The following UHRF2 variants were observed in gnomAD, a reference collection of about 807,000 sequenced individuals.
The protein encoded by UHRF2 is ubiquitin like with PHD and ring finger domains 2.
Under a neutral mutation model 96.8 loss-of-function variants are expected in UHRF2, and 23 were observed. The ratio of observed to expected loss-of-function variants is 0.24; its 90% CI spans 0.17 to 0.34. The LOEUF (loss-of-function observed/expected upper bound fraction) is 0.34, where lower values mean the gene tolerates loss of function less well. Among genes scored for constraint, UHRF2 ranks in the 10% least tolerant of loss-of-function variants. The pLI, the probability that UHRF2 is intolerant of heterozygous loss-of-function variation, is 1.00. For missense variants in UHRF2, 685 were observed against 981.5 expected (o/e 0.70, Z 4.04); for synonymous variants, 385 against 332.6 (o/e 1.16, Z -1.72).
intron 4 of UHRF2, among the ~76,000 whole-genome samples, chr9:6,471,530 G>T (rs115749489): frequency 2.7e-4 from 41 of 152,150 alleles, no homozygotes; most frequent in Non-Finnish European, 5.6e-4. Context: ...TTTTGGGTGC[G>T]CCCTCTTGGA....
chr9:6,446,084 C>G (rs1821484665), intron 3 of UHRF2, among the ~76,000 whole-genome samples: 1 of 150,312 alleles, frequency 6.7e-6, no homozygotes, highest in Admixed American at 6.7e-5. Context: ...CCTTGACTTC[C>G]CTGGCTCAGG....
chr9:6,457,171 C>CT (rs948115918), intron 3 of UHRF2, among the ~76,000 whole-genome samples: 9 of 151,882 alleles, frequency 5.9e-5, no homozygotes, highest in South Asian at 2.1e-4. Flanking sequence ...TTTGTGTCCT[C>CT]TTTTTTTTCG....
At position 6,420,937 on chromosome 9, in the gene UHRF2, A is replaced by G; in HGVS notation, c.179A>G (p.Asp60Gly). Reference sequence around the variant, plus strand: ...TTGGAAAATGGATATACCTTATTTGATTATGATGTTGGACTGAATGATATA... The same window carrying G: ...TTGGAAAATGGATATACCTTATTTGGTTATGATGTTGGACTGAATGATATA... ...KQLENGYTLFDYDVGLNDIIQ... is the reference protein window; with the variant it reads ...KQLENGYTLFGYDVGLNDIIQ... The change falls in exon 2 of 16, where the codon GAT becomes GGT. Residue 60 changes from aspartate to glycine, a missense_variant. Around this residue, in one of 6 missense-constraint regions of UHRF2, gnomAD observed 391 missense variants for 437.0 expected, o/e 0.89. Transcript: ENST00000276893. The G allele has an allele frequency of 6.2e-7, 1 of 1,614,042 alleles. No homozygotes were observed. The highest frequency in any genetic ancestry group is 8.5e-7 in the Non-Finnish European group (1 of 1,179,932).
intron 1 of UHRF2, among the ~76,000 whole-genome samples, chr9:6,414,370 A>G (rs1239987927): frequency 6.6e-6 from 1 of 152,114 alleles, no homozygotes; most frequent in Non-Finnish European, 1.5e-5. Flanking sequence ...GGAGTGTAAG[A>G]CTGTTTGCTT....
intron 4 of UHRF2, among the ~76,000 whole-genome samples, 191 bp downstream of exon 4, chr9:6,460,982 T>C (rs1395857675): frequency 6.6e-6 from 1 of 152,218 alleles, no homozygotes; most frequent in East Asian, 1.9e-4. Flanking sequence ...GATCTTCAAC[T>C]TTAAGGTTGG....
intron 12 of UHRF2, chr9:6,499,247 CCCA>C (rs1825135613): frequency 7.0e-6 from 1 of 143,382 alleles, no homozygotes; most frequent in African/African-American, 2.5e-5. Flanking sequence ...CTTCTCCCAC[CCCA>C]CCCACCCCCT....
intron 2 of UHRF2, among the ~76,000 whole-genome samples, chr9:6,422,086 A>G (rs1424891802): frequency 6.6e-6 from 1 of 152,192 alleles, no homozygotes; most frequent in Admixed American, 6.5e-5. Flanking sequence ...CATATGTTCA[A>G]GAATTTCTAC....
rs1823681931 is a variant in UHRF2, at chr9:6,477,910, G to T, written c.1160+102G>T. 2.7e-6 allele frequency: 3 copies of T among 1,100,156 alleles called. No individual in the cohort carries two copies. The Admixed American group carries it at 7.6e-5, about 28-fold the overall frequency. 68.1% of individuals were successfully genotyped at this position (1,100,156 alleles called of 1,614,324 possible). On this transcript the variant is annotated intron_variant, in intron 6 of 15. Coordinates refer to ENST00000276893, the MANE Select transcript of UHRF2 (RefSeq NM_152896.3). Reference sequence around the variant, plus strand: ...ATTTCTAAAGATACATAATATAAAAGTGCTTAAAATGTTATGGCCAGTGGT... The same window carrying T: ...ATTTCTAAAGATACATAATATAAAATTGCTTAAAATGTTATGGCCAGTGGT...
intron 11 of UHRF2, 121 bp from the exon 12 acceptor site, chr9:6,497,897 C>G (rs989386152): frequency 2.3e-6 from 3 of 1,281,072 alleles, no homozygotes; most frequent in Non-Finnish European, 3.2e-6. Context: ...ACTGTCCTTA[C>G]AGCAAAGCAG....
chr9:6,445,893 G>C (rs1821455863), intron 3 of UHRF2, among the ~76,000 whole-genome samples: 1 of 151,276 alleles, frequency 6.6e-6, no homozygotes, highest in Non-Finnish European at 1.5e-5. Context: ...AAAATAACCT[G>C]GTGATAATGG....
chr9:6,446,981 C>A (rs891759242), intron 3 of UHRF2, among the ~76,000 whole-genome samples: 1 of 151,824 alleles, frequency 6.6e-6, no homozygotes, highest in Non-Finnish European at 1.5e-5. Context: ...CTCCGCCTCC[C>A]GGGTTCACGC....
intron 9 of UHRF2, 104 bp downstream of exon 9, chr9:6,487,029 C>A: frequency 9.3e-7 from 1 of 1,074,980 alleles, no homozygotes. Context: ...CTTTTTAGCA[C>A]AGTTTTTGTT....
intron 4 of UHRF2, among the ~76,000 whole-genome samples, chr9:6,471,389 G>A (rs1480983206): frequency 6.6e-6 from 1 of 152,208 alleles, no homozygotes; most frequent in Non-Finnish European, 1.5e-5. Context: ...AGTGATTCCT[G>A]CTTACTAATA....
chr9:6,487,191 T>TATTTTA (rs1563799281), intron 9 of UHRF2, among the ~76,000 whole-genome samples: 1 of 129,068 alleles, frequency 7.7e-6, no homozygotes, highest in African/African-American at 3.0e-5. Flanking sequence ...CCTTTTTTTT[T>TATTTTA]TTTTTTTTTT....
At chr9:6,479,550 A>G (rs1191587490) in intron 6 of UHRF2, among the ~76,000 whole-genome samples, 1 of 152,084 alleles carries the variant, frequency 6.6e-6, no homozygotes, top group Admixed American at 6.5e-5. Flanking sequence ...TCGTCCAATT[A>G]TGAGATGTTA....
intron 2 of UHRF2, among the ~76,000 whole-genome samples, chr9:6,421,440 G>A (rs1274137611): frequency 1.3e-5 from 2 of 152,020 alleles, no homozygotes; most frequent in East Asian, 3.8e-4. Context: ...GATAACGGAG[G>A]CTTGCTCTGT....
At chr9:6,473,007 A>G (rs991058006) in intron 4 of UHRF2, among the ~76,000 whole-genome samples, 2 of 152,218 alleles carry the variant, frequency 1.3e-5, no homozygotes, top group East Asian at 1.9e-4. Flanking sequence ...TGTATAGGGT[A>G]CAAACAGTAA....
chr9:6,441,543 C>G (rs1018834422), intron 3 of UHRF2, among the ~76,000 whole-genome samples: 9 of 152,144 alleles, frequency 5.9e-5, no homozygotes, highest in African/African-American at 2.2e-4. Flanking sequence ...GAGAACAAAT[C>G]ATTGATAAAT....
intron 2 of UHRF2, among the ~76,000 whole-genome samples, chr9:6,428,378 A>G (rs1290087248): frequency 6.6e-6 from 1 of 152,088 alleles, no homozygotes; most frequent in Admixed American, 6.6e-5. Context: ...ACTGCTACCC[A>G]GACTTCTATG....
Sources: allele counts gnomAD v4.1 joint callset (sites outside exome capture counted in the v4.1 genomes callset), GRCh38; gene constraint gnomAD v4.1.1; regional missense constraint gnomAD v4.1.1; transcripts MANE v1.5; gene names NCBI Gene and HGNC (gene_info 2026-07-23, HGNC 2026-07-21).